The following PCNX2 variants were observed in gnomAD, a reference collection of about 807,000 sequenced individuals.
The protein encoded by PCNX2 is pecanex-like protein 2.
PCNX2 carries 168 observed loss-of-function variants against 223.8 expected under a neutral mutation model. The observed-to-expected ratio is 0.75, with a 90% CI of 0.66 to 0.85. The LOEUF is 0.85. PCNX2 is among the 40% of genes least tolerant of loss of function. The probability of loss-of-function intolerance (pLI) is 0.00; values close to 1 mark genes in which losing one functional copy is unlikely to be tolerated. For missense variants in PCNX2, 2,507 were observed against 2,675.5 expected (o/e 0.94, Z 1.39); for synonymous variants, 1,006 against 1,052.6 (o/e 0.96, Z 0.86).
chr1:232,984,051 C>G lies in PCNX2; in HGVS notation c.*253G>C. The G allele has an allele frequency of 3.0e-6, 1 of 335,126 alleles. No individual in the cohort carries two copies. 20.8% of individuals were successfully genotyped at this position (335,126 alleles called of 1,614,324 possible). On this transcript the variant is annotated 3_prime_UTR_variant, in exon 34 of 34. Coordinates refer to ENST00000258229, the MANE Select transcript of PCNX2 (RefSeq NM_014801.4). ...TGGCCAGGGAGGTGTGGTGTGGCTTCTTTGTTGCTTTTTTTTGTTTCCCCA... is the reference window on the plus strand; with the variant it reads ...TGGCCAGGGAGGTGTGGTGTGGCTTGTTTGTTGCTTTTTTTTGTTTCCCCA...
intron 23 of PCNX2, among the ~76,000 whole-genome samples, chr1:233,083,393 A>G (rs922979567): frequency 7.2e-5 from 11 of 152,190 alleles, no homozygotes; most frequent in African/African-American, 2.4e-4. Flanking sequence ...TCCAGGTGAT[A>G]TCACAAGGAG....
chr1:233,209,473 A>G (rs1681703923), intron 12 of PCNX2, among the ~76,000 whole-genome samples: 1 of 152,182 alleles, frequency 6.6e-6, no homozygotes, highest in Admixed American at 6.5e-5. Flanking sequence ...AGGGGGAAAA[A>G]AACAATGAAA....
At chr1:233,144,345 G>A (rs948760812) in intron 19 of PCNX2, among the ~76,000 whole-genome samples, 2 of 152,036 alleles carry the variant, frequency 1.3e-5, no homozygotes, top group Non-Finnish European at 1.5e-5. Context: ...CTTCAGTCAG[G>A]TAACTTTTTA....
At chr1:233,070,748 T>C (rs1056810453) in intron 23 of PCNX2, among the ~76,000 whole-genome samples, 1 of 151,966 alleles carries the variant, frequency 6.6e-6, no homozygotes, top group Non-Finnish European at 1.5e-5. Flanking sequence ...TATAAAAACC[T>C]ACAGCTGGCC....
chr1:232,986,143 G>A lies in PCNX2; in HGVS notation c.6189C>T (p.Ser2063=), dbSNP rs747719479. 1.4e-5 allele frequency: 22 copies of A among 1,570,640 alleles called. No homozygotes were observed. Among genetic ancestry groups the A allele is most frequent in the Non-Finnish European group, 1.8e-5 (21 of 1,157,276 alleles). ...GNTSDTQSSS[S]VNIVMGPSAR... ...CTGAGGGGCCCATCACGATGTTGAC[G>A]CTGCTGGATGACTGGGTGTCACTGG... is the stretch of plus-strand genomic sequence containing the variant. The change falls in exon 33 of 34, where the codon AGC becomes AGT. Residue 2063 remains serine, a synonymous_variant. Coordinates refer to ENST00000258229, the MANE Select transcript of PCNX2 (RefSeq NM_014801.4).
chr1:233,210,686 AT>A (rs1221790289), intron 12 of PCNX2: 6 of 978,256 alleles, frequency 6.1e-6, no homozygotes, highest in Non-Finnish European at 7.3e-6. Flanking sequence ...CTAAGGACTG[AT>A]TTTTTAATTT....
intron 23 of PCNX2, among the ~76,000 whole-genome samples, chr1:233,066,421 ATC>A (rs1205344628): frequency 6.6e-6 from 1 of 152,194 alleles, no homozygotes; most frequent in Non-Finnish European, 1.5e-5. Flanking sequence ...GGTTGCTGGC[ATC>A]TCTGAGTTTT....
intron 15 of PCNX2, among the ~76,000 whole-genome samples, chr1:233,194,104 T>C (rs1245807516): frequency 6.6e-6 from 1 of 150,700 alleles, no homozygotes; most frequent in South Asian, 2.1e-4. Context: ...GTCACAGCAT[T>C]GTCAAATGGC....
intron 30 of PCNX2, 75 bp from the exon 31 acceptor site, chr1:232,999,454 T>A: frequency 6.5e-6 from 3 of 461,370 alleles, no homozygotes; most frequent in Non-Finnish European, 8.8e-6. Flanking sequence ...TTCTTTTTCT[T>A]TTTTTTTTTT....
chr1:233,095,903 G>A, intron 21 of PCNX2, 40 bp from the exon 22 acceptor site: 4 of 1,425,110 alleles, frequency 2.8e-6, no homozygotes, highest in Non-Finnish European at 3.9e-6. Flanking sequence ...AGAGGACAAT[G>A]ACAACAGTGG....
chr1:233,276,219 C>A (rs1020986618), intron 1 of PCNX2, among the ~76,000 whole-genome samples: 1 of 152,088 alleles, frequency 6.6e-6, no homozygotes, highest in African/African-American at 2.4e-5. Context: ...AAGGCAATCA[C>A]GAACAAGCAA....
the PCNX2 span, among the ~76,000 whole-genome samples, chr1:233,313,070 A>G: frequency 6.6e-6 from 1 of 152,222 alleles, no homozygotes; most frequent in Non-Finnish European, 1.5e-5. Context: ...ACATCACAAC[A>G]CGGATGGATC....
At chr1:233,180,887 G>T (rs12032619) in intron 15 of PCNX2, 17,014 of 152,230 alleles carry the variant, frequency 0.11, 1,249 homozygotes, top group East Asian at 0.22. Context: ...ATGCCTCTCA[G>T]ATCAGCTTCC....
intron 12 of PCNX2, among the ~76,000 whole-genome samples, chr1:233,215,535 A>G (rs1682072381): frequency 1.3e-5 from 2 of 152,242 alleles, no homozygotes; most frequent in Non-Finnish European, 2.9e-5. Context: ...AACAGACATT[A>G]CAAATCCACA....
chr1:233,119,063 C>T (rs1180803837), intron 21 of PCNX2, among the ~76,000 whole-genome samples: 1 of 151,954 alleles, frequency 6.6e-6, no homozygotes, highest in Non-Finnish European at 1.5e-5. Context: ...CAAACATGAG[C>T]AACTGATTTT....
rs1368437274 is a variant in PCNX2, at chr1:233,139,890, C to T, written c.3518-35G>A. On this transcript the variant is annotated intron_variant, in intron 19 of 33. Coordinates refer to ENST00000258229, the MANE Select transcript of PCNX2 (RefSeq NM_014801.4). The surrounding 1 kb of genome is among the most constrained non-coding windows in gnomAD (Gnocchi z 4.4). ...ATATAAAAACCACTTAGAACAACCACCGATCAAAGTATTTTTCTTTAAGTA... is the reference window on the plus strand; with the variant it reads ...ATATAAAAACCACTTAGAACAACCATCGATCAAAGTATTTTTCTTTAAGTA... 2 of 1,596,890 alleles carry T rather than the reference C, an allele frequency of 1.3e-6. No homozygotes were observed. The highest frequency in any genetic ancestry group is 2.2e-5 in the East Asian group (1 of 44,706).
At chr1:233,056,418 CAATGTGCTTGGGAA>C (rs1672192672) in intron 24 of PCNX2, among the ~76,000 whole-genome samples, 2 of 152,190 alleles carry the variant, frequency 1.3e-5, no homozygotes, top group South Asian at 4.1e-4. Context: ...ACTAACAGCA[CAATGTGCTTGGGAA>C]ACTGTCCCTC....
In PCNX2 at chr1:233,253,973, C is replaced by T. The variant is rs1659593035; in HGVS notation, c.1835-1185G>A. 6.6e-6 allele frequency among the ~76,000 whole-genome samples: 1 copy of T among 152,180 alleles called. No individual in the cohort carries two copies. Among genetic ancestry groups the T allele is most frequent in the Non-Finnish European group, 1.5e-5 (1 of 68,026 alleles). ...GTAAATGATTGGCTCTTAAGCTCAA[C>T]AGCCTGTGCCTGAGAGAACAGAATT... On this transcript the variant is annotated intron_variant, in intron 5 of 33. Transcript: ENST00000258229. This position sits in a 1 kb window ranked among gnomAD's most constrained non-coding sequence, Gnocchi z 4.2.
chr1:233,093,625 T>C (rs1269016801), intron 22 of PCNX2, among the ~76,000 whole-genome samples: 1 of 152,040 alleles, frequency 6.6e-6, no homozygotes, highest in Non-Finnish European at 1.5e-5. Flanking sequence ...ATATCTACCT[T>C]TACAACTGAT....
Sources: gnomAD v4.1 joint callset for allele counts (sites outside exome capture counted in the v4.1 genomes callset) on GRCh38, gnomAD v4.1.1 for gene constraint, Gnocchi (gnomAD v3.1) non-coding constraint, MANE v1.5 for transcripts, NCBI Gene and HGNC (gene_info 2026-07-23, HGNC 2026-07-21) for gene names.